TMEM232: variants seen among roughly 807,000 people sequenced by gnomAD.
The protein encoded by TMEM232 is transmembrane protein 232.
TMEM232 carries 80 observed loss-of-function variants against 78.8 expected under a neutral mutation model. That is an observed-to-expected ratio of 1.01 (90% CI 0.85 to 1.22). The LOEUF is 1.22. Among genes scored for constraint, TMEM232 ranks in the 50% most tolerant of loss-of-function variants. The pLI, the probability that TMEM232 is intolerant of heterozygous loss-of-function variation, is 0.00. For synonymous variants in TMEM232, 297 were observed against 254.3 expected, an observed-to-expected ratio of 1.17 and a Z score of -1.60; for missense variants, 881 against 742.2, an observed-to-expected ratio of 1.19 and a Z score of -2.17.
chr5:110,674,366 G>A (rs1791758531), intron 1 of TMEM232, among the ~76,000 whole-genome samples: 1 of 152,100 alleles, frequency 6.6e-6, no homozygotes, highest in South Asian at 2.1e-4. Context: ...TGTTTAATTT[G>A]CATGAATGTG....
intron 12 of TMEM232, among the ~76,000 whole-genome samples, chr5:110,469,508 T>C (rs1762439573): frequency 6.6e-6 from 1 of 152,188 alleles, no homozygotes; most frequent in African/African-American, 2.4e-5. Flanking sequence ...AGCCACCCTA[T>C]CTACCCCTCT....
intron 12 of TMEM232, among the ~76,000 whole-genome samples, chr5:110,486,767 CT>C (rs1388311109): frequency 6.6e-6 from 1 of 151,860 alleles, no homozygotes; most frequent in Admixed American, 6.6e-5. Flanking sequence ...CAGATTTGTT[CT>C]TTTTGTTTAG....
At chr5:110,612,965 T>G (rs1030283084) in intron 8 of TMEM232, among the ~76,000 whole-genome samples, 5 of 152,304 alleles carry the variant, frequency 3.3e-5, no homozygotes, top group Non-Finnish European at 5.9e-5. Flanking sequence ...ATATAAAATT[T>G]AACTGCGTTA....
intron 8 of TMEM232, among the ~76,000 whole-genome samples, chr5:110,608,952 T>C (rs1457526601): frequency 2.6e-5 from 4 of 152,096 alleles, no homozygotes; most frequent in Admixed American, 2.0e-4. Flanking sequence ...ATTATAGATT[T>C]GCTCTAATTT....
intron 12 of TMEM232, among the ~76,000 whole-genome samples, chr5:110,522,366 CAG>C (rs1769660601): frequency 6.6e-6 from 1 of 152,094 alleles, no homozygotes; most frequent in Non-Finnish European, 1.5e-5. Context: ...CACCTGAAAA[CAG>C]GGACAGTTTT....
At chr5:110,471,765 A>G (rs1038247724) in intron 12 of TMEM232, among the ~76,000 whole-genome samples, 2 of 152,136 alleles carry the variant, frequency 1.3e-5, no homozygotes, top group African/African-American at 4.8e-5. Flanking sequence ...TAACCTACAA[A>G]ACATGACTAT....
At chr5:110,424,729 T>A in intron 13 of TMEM232, 94 bp downstream of exon 13, 1 of 965,396 alleles carries the variant, frequency 1.0e-6, no homozygotes, top group African/African-American at 1.7e-5. Context: ...AAATTTCACA[T>A]ATTAAGGTTT....
rs1226905349 is a variant in TMEM232 at position 110,634,354 on chromosome 5, A to G, written c.501+3844T>C. ...ACTTTAGACCAAATGGACATTAAAG[A>G]TATTCACAGAATATTTTTCCCAACA... On this transcript the variant is annotated intron_variant, in intron 5 of 13. Transcript: ENST00000455884. Among the ~76,000 whole-genome samples the G allele has an allele frequency of 2.6e-5, 4 of 152,302 alleles. 1 individual carries two copies. In the East Asian group the frequency reaches 7.7e-4, roughly 29 times the overall value.
At chr5:110,524,263 A>T (rs1400290910) in intron 12 of TMEM232, among the ~76,000 whole-genome samples, 2 of 148,606 alleles carry the variant, frequency 1.3e-5, no homozygotes, top group African/African-American at 5.0e-5. Context: ...TCAGTCTCAA[A>T]AAAAAAAAAA....
At chr5:110,477,752 C>T (rs1763412902) in intron 12 of TMEM232, among the ~76,000 whole-genome samples, 1 of 151,796 alleles carries the variant, frequency 6.6e-6, no homozygotes, top group Non-Finnish European at 1.5e-5. Flanking sequence ...ACATCAACAT[C>T]CATCAAATGA....
At chr5:110,424,579 C>G (rs1466066499) in intron 13 of TMEM232, among the ~76,000 whole-genome samples, 1 of 152,062 alleles carries the variant, frequency 6.6e-6, no homozygotes, top group African/African-American at 2.4e-5. Flanking sequence ...GAAATCAGTA[C>G]TAATTCAGAA....
At chr5:110,446,315 T>A (rs1759642587) in intron 12 of TMEM232, among the ~76,000 whole-genome samples, 1 of 152,196 alleles carries the variant, frequency 6.6e-6, no homozygotes, top group African/African-American at 2.4e-5. Flanking sequence ...TTGAAGGTTT[T>A]TAAGTAGTAA....
intron 1 of TMEM232, among the ~76,000 whole-genome samples, chr5:110,690,353 G>C (rs1793963968): frequency 1.3e-5 from 2 of 152,024 alleles, no homozygotes; most frequent in Non-Finnish European, 2.9e-5. Flanking sequence ...CATATATGTG[G>C]TCAAAAAACA....
chr5:110,502,701 G>T (rs1766407084), intron 12 of TMEM232, among the ~76,000 whole-genome samples: 1 of 152,198 alleles, frequency 6.6e-6, no homozygotes. Context: ...TCACTACCCG[G>T]TAGCCACATT....
At chr5:110,697,351 G>T (rs2150253805) in intron 1 of TMEM232, among the ~76,000 whole-genome samples, 1 of 152,248 alleles carries the variant, frequency 6.6e-6, no homozygotes, top group African/African-American at 2.4e-5. Context: ...AACTCTAGAA[G>T]AAAACCTAGG....
At chr5:110,717,670 T>C (rs1320158182) in intron 1 of TMEM232, among the ~76,000 whole-genome samples, 2 of 152,092 alleles carry the variant, frequency 1.3e-5, no homozygotes, top group African/African-American at 4.8e-5. Flanking sequence ...GAGAGGAACT[T>C]GGTGGGAGGT....
chr5:110,718,621 G>C (rs562939887), intron 1 of TMEM232, among the ~76,000 whole-genome samples: 1 of 151,994 alleles, frequency 6.6e-6, no homozygotes, highest in South Asian at 2.1e-4. Flanking sequence ...CTTCTTAGGT[G>C]TGAAGATTAA....
chr5:110,682,845 AT>A (rs1484924585), intron 1 of TMEM232, among the ~76,000 whole-genome samples: 2 of 152,084 alleles, frequency 1.3e-5, no homozygotes, highest in African/African-American at 2.4e-5. Context: ...CCCTTCTGGA[AT>A]TAAGTGTCTT....
intron 10 of TMEM232, among the ~76,000 whole-genome samples, chr5:110,576,541 A>G (rs1014916522): frequency 4.6e-5 from 7 of 152,118 alleles, no homozygotes; most frequent in Non-Finnish European, 8.8e-5. Context: ...CTGAAAATCT[A>G]TATGGAATAA....
Sources: allele counts gnomAD v4.1 joint callset (sites outside exome capture counted in the v4.1 genomes callset), GRCh38; gene constraint gnomAD v4.1.1; transcripts MANE v1.5; gene names NCBI Gene and HGNC (gene_info 2026-07-23, HGNC 2026-07-21).